Variants in TRPC1 observed in about 807,000 individuals in gnomAD.
TRPC1 encodes the protein transient receptor potential cation channel subfamily C member 1.
A neutral mutation model predicts 88.2 loss-of-function variants in TRPC1; 42 were observed. That is an observed-to-expected ratio of 0.48 (90% CI 0.37 to 0.62). The LOEUF (loss-of-function observed/expected upper bound fraction) is 0.62. TRPC1 is among the 20% of genes least tolerant of loss of function. TRPC1 has a pLI of 0.00. For missense variants in TRPC1, 699 were observed against 957.3 expected, an observed-to-expected ratio of 0.73 and a Z score of 3.56; for synonymous variants, 288 against 331.8, an observed-to-expected ratio of 0.87 and a Z score of 1.43.
intron 4 of TRPC1, among the ~76,000 whole-genome samples, chr3:142,761,568 C>G (rs1935185120): frequency 6.6e-6 from 1 of 152,106 alleles, no homozygotes; most frequent in Non-Finnish European, 1.5e-5. Flanking sequence ...GTTTTGGTAT[C>G]AGGGTAATGC....
intron 4 of TRPC1, among the ~76,000 whole-genome samples, chr3:142,773,945 G>T (rs1185004113): frequency 2.0e-5 from 3 of 151,322 alleles, no homozygotes; most frequent in African/African-American, 7.3e-5. Flanking sequence ...CTGTTTTGTT[G>T]TTTTTTATAT....
chr3:142,729,047 A>G (rs1933794506), intron 1 of TRPC1, among the ~76,000 whole-genome samples: 2 of 152,216 alleles, frequency 1.3e-5, no homozygotes, highest in Non-Finnish European at 2.9e-5. Context: ...TACTTTATAT[A>G]GGAAAGCTTT....
At chr3:142,733,127 T>G (rs1577941675) in intron 1 of TRPC1, among the ~76,000 whole-genome samples, 1 of 94,648 alleles carries the variant, frequency 1.1e-5, no homozygotes, top group African/African-American at 4.2e-5. Flanking sequence ...GAACCTTTTA[T>G]TTTTAGGGAT....
rs138274692 is a variant in TRPC1, at chr3:142,806,216, T to C, written c.2363T>C (p.Met788Thr). The C allele has an allele frequency of 1.2e-6, 2 of 1,602,472 alleles. No individual in the cohort carries two copies. Among genetic ancestry groups the C allele is most frequent in the Non-Finnish European group, 1.7e-6 (2 of 1,171,196 alleles). The stretch of plus-strand genomic sequence containing the variant: ...GGCTTTCGGACTTCTAAATATGCTA[T>C]GTTTTATCCAAGAAATTAACCATTT... ...LLGFRTSKYA[M>T]FYPRN Residue 788 changes from methionine (M) to threonine (T), a missense_variant, in exon 13 of 13, where the codon ATG becomes ACG. Met to Thr is a moderately conservative substitution (Grantham distance 81). Around this residue, in one of 4 missense-constraint regions of TRPC1, gnomAD observed 105 missense variants for 141.7 expected, o/e 0.74. Coordinates refer to ENST00000476941, the MANE Select transcript of TRPC1 (RefSeq NM_001251845.2).
intron 2 of TRPC1, 30 bp from the exon 3 acceptor site, chr3:142,743,455 T>G: frequency 7.0e-7 from 1 of 1,437,550 alleles, no homozygotes; most frequent in Non-Finnish European, 9.2e-7. Flanking sequence ...TATCTTCCAT[T>G]TTCATTTTTA....
intron 4 of TRPC1, among the ~76,000 whole-genome samples, chr3:142,757,604 C>T (rs1036069531): frequency 6.0e-5 from 9 of 150,780 alleles, no homozygotes; most frequent in Non-Finnish European, 1.2e-4. Context: ...ACAATAAGAA[C>T]ACATGGACAC....
chr3:142,767,707 A>G lies in TRPC1; in HGVS notation c.633-9925A>G, dbSNP rs1286499208. ...CACTTCAAAAAGAAACCCTATATTCATTAGCAGTCACTCTCCCAGCTGGTG... is the reference window on the plus strand; with the variant it reads ...CACTTCAAAAAGAAACCCTATATTCGTTAGCAGTCACTCTCCCAGCTGGTG... On this transcript the variant is annotated intron_variant, in intron 4 of 12. Coordinates refer to ENST00000476941, the MANE Select transcript of TRPC1 (RefSeq NM_001251845.2). The surrounding 1 kb of genome is among the most constrained non-coding windows in gnomAD (Gnocchi z 5.1). Among the ~76,000 whole-genome samples, 1 of 151,466 alleles carries G rather than the reference A, an allele frequency of 6.6e-6. No homozygotes were observed. The highest frequency in any genetic ancestry group is 6.6e-5 in the Admixed American group (1 of 15,186).
At chr3:142,795,441 A>AT (rs1165276531) in intron 9 of TRPC1, among the ~76,000 whole-genome samples, 1 of 152,088 alleles carries the variant, frequency 6.6e-6, no homozygotes, top group Non-Finnish European at 1.5e-5. Flanking sequence ...AAAATCAGTG[A>AT]TAAAAAAAAT....
At chr3:142,768,391 A>G (rs1935470069) in intron 4 of TRPC1, among the ~76,000 whole-genome samples, 2 of 152,052 alleles carry the variant, frequency 1.3e-5, no homozygotes, top group Non-Finnish European at 2.9e-5. Context: ...TCCTTCTGCT[A>G]TTAGTTTATC....
At chr3:142,763,985 C>CAT (rs1935292329) in intron 4 of TRPC1, among the ~76,000 whole-genome samples, 1 of 23,874 alleles carries the variant, frequency 4.2e-5, no homozygotes, top group African/African-American at 3.2e-4. Flanking sequence ...TATATATATA[C>CAT]ACATACATAC....
At chr3:142,763,959 A>AATATATATATATATATATATATAT (rs1159520441) in intron 4 of TRPC1, among the ~76,000 whole-genome samples, 1,024 of 75,868 alleles carry the variant, frequency 0.013, 37 homozygotes, top group Non-Finnish European at 0.018. Flanking sequence ...AAAAAAAAGA[A>AATATATATATATATATATATATAT]ATATATATAT....
chr3:142,804,140 C>T lies in TRPC1; in HGVS notation c.1921C>T (p.Leu641=), dbSNP rs114641900. The part of the protein sequence containing the change: ...VVVVIVLTKL[L]VAMLHKSFQL... ...GGTTGTGATTGTGCTTACCAAACTG[C>T]TGGTGGCAATGCTTCATAAAAGCTT... The change falls in exon 11 of 13, where the codon CTG becomes TTG. Residue 641 remains leucine, a synonymous_variant. Coordinates refer to ENST00000476941, the MANE Select transcript of TRPC1 (RefSeq NM_001251845.2). 3 of 1,613,862 alleles carry T rather than the reference C, an allele frequency of 1.9e-6. No homozygotes were observed. The African/African-American group carries it at 4.0e-5, about 22-fold the overall frequency.
Position 142,770,865 on chromosome 3 carries a change from A to G in TRPC1, c.633-6767A>G, listed in dbSNP as rs141696591. Among the ~76,000 whole-genome samples, 46 of 152,346 alleles carry G rather than the reference A, an allele frequency of 3.0e-4. No homozygotes were observed. In the East Asian group the frequency reaches 8.7e-3, roughly 29 times the overall value. ...ATACCTGAGGCTACATAGTTTATAA[A>G]GAAAAGAGGTTTATTTGGCTTATTG... On this transcript the variant is annotated intron_variant, in intron 4 of 12. Transcript: ENST00000476941.
chr3:142,806,333 A>G lies in TRPC1; in HGVS notation c.*98A>G. 1 of 919,026 alleles carries G rather than the reference A, an allele frequency of 1.1e-6. No homozygotes were observed. The highest frequency in any genetic ancestry group is 1.7e-5 in the African/African-American group (1 of 59,516). The allele number at this position is 919,026 out of a possible 1,614,324, so 56.9% of individuals were successfully genotyped here. On this transcript the variant is annotated 3_prime_UTR_variant, in exon 13 of 13. Transcript: ENST00000476941. Reference sequence around the variant, plus strand: ...AAATTAATGAGATATATATTGAAATAAAGAATTATGTAAAAGCCATTCTTT... The same window carrying G: ...AAATTAATGAGATATATATTGAAATGAAGAATTATGTAAAAGCCATTCTTT...
chr3:142,728,539 T>C (rs1436720677), intron 1 of TRPC1, among the ~76,000 whole-genome samples: 1 of 152,092 alleles, frequency 6.6e-6, no homozygotes, highest in Non-Finnish European at 1.5e-5. Flanking sequence ...CAGGCTGGTC[T>C]CAAACTCCCG....
chr3:142,789,464 C>T (rs1936232061), intron 7 of TRPC1, among the ~76,000 whole-genome samples: 1 of 152,094 alleles, frequency 6.6e-6, no homozygotes, highest in African/African-American at 2.4e-5. Flanking sequence ...ATGTTTTAAA[C>T]ACTTTTTTTC....
rs1468855533 is a variant in TRPC1 at position 142,724,549 on chromosome 3, C to T, written c.-11C>T. On this transcript the variant is annotated 5_prime_UTR_variant, in exon 1 of 13. Transcript: ENST00000476941. The surrounding 1 kb of genome is among the most constrained non-coding windows in gnomAD (Gnocchi z 5.6). Reference sequence around the variant, plus strand: ...CCCCCGTCTCCTGGCCTGCCCCCTTCATGGGCCGCGATGATGGCGGCCCTG... The same window carrying T: ...CCCCCGTCTCCTGGCCTGCCCCCTTTATGGGCCGCGATGATGGCGGCCCTG... 3.2e-6 allele frequency: 5 copies of T among 1,557,280 alleles called. No individual in the cohort carries two copies. The highest frequency in any genetic ancestry group is 4.3e-6 in the Non-Finnish European group (5 of 1,153,672).
chr3:142,776,966 A>G lies in TRPC1; in HGVS notation c.633-666A>G, dbSNP rs1187469904. Among the ~76,000 whole-genome samples the G allele has an allele frequency of 6.6e-6, 1 of 152,138 alleles. No homozygotes were observed. The highest frequency in any genetic ancestry group is 1.5e-5 in the Non-Finnish European group (1 of 68,032). On this transcript the variant is annotated intron_variant, in intron 4 of 12. Coordinates refer to ENST00000476941, the MANE Select transcript of TRPC1 (RefSeq NM_001251845.2). This position sits in a 1 kb window ranked among gnomAD's most constrained non-coding sequence, Gnocchi z 4.1. ...AGAAAGAAAAGATTTATTAGTCATC[A>G]AATCCACATCATATTAAAAATTTAT...
chr3:142,737,682 C>T (rs777165247), intron 2 of TRPC1, among the ~76,000 whole-genome samples: 1 of 151,938 alleles, frequency 6.6e-6, no homozygotes, highest in Non-Finnish European at 1.5e-5. Context: ...GTGGTACCTC[C>T]GACACTGTTT....
Sources: gnomAD v4.1 joint callset for allele counts (sites outside exome capture counted in the v4.1 genomes callset) on GRCh38, gnomAD v4.1.1 for gene constraint, gnomAD v4.1.1 regional missense constraint, Gnocchi (gnomAD v3.1) non-coding constraint, MANE v1.5 for transcripts, NCBI Gene and HGNC (gene_info 2026-07-23, HGNC 2026-07-21) for gene names.